LRRC37A2: variants seen among roughly 807,000 people sequenced by gnomAD.
LRRC37A2 encodes the protein leucine rich repeat containing 37 member A2.
LRRC37A2 carries 9 observed loss-of-function variants against 68.8 expected under a neutral mutation model. That is an observed-to-expected ratio of 0.13 (90% CI 0.08 to 0.23). The LOEUF is 0.23. LRRC37A2 is among the 10% of genes least tolerant of loss of function. The pLI is 1.00. For missense variants in LRRC37A2, 168 were observed against 950.4 expected (o/e 0.18, Z 10.82); for synonymous variants, 63 against 367.6 (o/e 0.17, Z 9.48).
At chr17:46,818,426 G>A in the LRRC37A2 span, 1 of 1,299,346 alleles carries the variant, frequency 7.7e-7, no homozygotes, top group African/African-American at 1.5e-5. Context: ...AGGAGCCCCA[G>A]CCCTGCAGCG....
the LRRC37A2 span, among the ~76,000 whole-genome samples, chr17:46,492,964 G>A: frequency 6.7e-6 from 1 of 148,878 alleles, no homozygotes; most frequent in South Asian, 2.1e-4. Context: ...AAAGTGCTGG[G>A]ATTACAGACG....
the LRRC37A2 span, among the ~76,000 whole-genome samples, chr17:46,977,646 A>G: frequency 1.3e-5 from 2 of 152,188 alleles, no homozygotes; most frequent in Non-Finnish European, 2.9e-5. Flanking sequence ...ACATCCTGGG[A>G]CTTCCTCACC....
the LRRC37A2 span, among the ~76,000 whole-genome samples, chr17:46,804,372 C>T: frequency 6.6e-6 from 1 of 152,216 alleles, no homozygotes; most frequent in South Asian, 2.1e-4. Flanking sequence ...CAGGCGCAAG[C>T]CACCACAACT....
chr17:46,878,865 C>T, the LRRC37A2 span, among the ~76,000 whole-genome samples: 1 of 152,202 alleles, frequency 6.6e-6, no homozygotes, highest in Non-Finnish European at 1.5e-5. Context: ...CATGGACACC[C>T]CAAGTCAATG....
chr17:46,489,533 G>A, the LRRC37A2 span, among the ~76,000 whole-genome samples: 3 of 148,186 alleles, frequency 2.0e-5, no homozygotes, highest in Non-Finnish European at 2.9e-5. Flanking sequence ...TCACCCAGGC[G>A]GGAATACAGT....
chr17:46,712,410 T>C, the LRRC37A2 span, among the ~76,000 whole-genome samples: 5 of 152,120 alleles, frequency 3.3e-5, no homozygotes, highest in African/African-American at 1.2e-4. Context: ...AAATATTTGT[T>C]AGATTGGATG....
At chr17:46,962,955 G>GTA in the LRRC37A2 span, among the ~76,000 whole-genome samples, 1 of 152,158 alleles carries the variant, frequency 6.6e-6, no homozygotes, top group Admixed American at 6.5e-5. Flanking sequence ...ATACTTAGAG[G>GTA]TATGTATAAC....
chr17:46,921,860 T>C, the LRRC37A2 span, among the ~76,000 whole-genome samples: 1 of 152,276 alleles, frequency 6.6e-6, no homozygotes, highest in East Asian at 1.9e-4. Flanking sequence ...TGTGGAGAAA[T>C]AAGAACACTT....
chr17:46,526,421 G>A (rs1204141164), intron 6 of LRRC37A2, among the ~76,000 whole-genome samples: 1 of 102,850 alleles, frequency 9.7e-6, no homozygotes, highest in African/African-American at 3.8e-5. Flanking sequence ...GTGGTTGATC[G>A]ATGATGAATA....
chr17:46,748,117 A>AT, the LRRC37A2 span, among the ~76,000 whole-genome samples: 1 of 151,920 alleles, frequency 6.6e-6, no homozygotes, highest in Non-Finnish European at 1.5e-5. Context: ...TTATTTATTT[A>AT]TTTTTTTGAG....
the LRRC37A2 span, among the ~76,000 whole-genome samples, chr17:46,886,901 C>T: frequency 6.6e-6 from 1 of 152,146 alleles, no homozygotes; most frequent in Non-Finnish European, 1.5e-5. Flanking sequence ...ACTGCAAACT[C>T]CACCTCCTAG....
chr17:46,939,246 G>A, the LRRC37A2 span: 31 of 1,042,206 alleles, frequency 3.0e-5, no homozygotes, highest in African/African-American at 2.7e-4. Flanking sequence ...TCACATCCTC[G>A]TGCTCCTGGC....
chr17:46,934,920 C>T, the LRRC37A2 span: 8 of 965,280 alleles, frequency 8.3e-6, no homozygotes, highest in South Asian at 1.0e-4. Flanking sequence ...GATTCTTTCA[C>T]CAGCCCCTCC....
the LRRC37A2 span, among the ~76,000 whole-genome samples, chr17:46,844,305 C>CT: frequency 0.026 from 3,278 of 127,328 alleles, 124 homozygotes; most frequent in African/African-American, 0.071. Flanking sequence ...AGTTAGCCAC[C>CT]TTTTTTTTTT....
At chr17:47,031,482 CT>C in the LRRC37A2 span, among the ~76,000 whole-genome samples, 2 of 144,496 alleles carry the variant, frequency 1.4e-5, no homozygotes, top group African/African-American at 5.1e-5. Flanking sequence ...CTTTAAAGTG[CT>C]TCTCCTTCAT....
the LRRC37A2 span, chr17:46,940,421 C>T: frequency 6.3e-7 from 1 of 1,597,452 alleles, no homozygotes; most frequent in South Asian, 1.1e-5. Flanking sequence ...CTAGATCTGT[C>T]TAACTCTGGG....
the LRRC37A2 span, chr17:46,922,775 C>T: frequency 1.1e-5 from 2 of 180,172 alleles, no homozygotes; most frequent in African/African-American, 2.4e-5. Flanking sequence ...CTCCAGACCC[C>T]CGATTAAATG....
chr17:46,758,769 G>A, the LRRC37A2 span, among the ~76,000 whole-genome samples: 1 of 152,198 alleles, frequency 6.6e-6, no homozygotes, highest in South Asian at 2.1e-4. Context: ...AGATTGAAGT[G>A]TGTACAATAA....
the LRRC37A2 span, among the ~76,000 whole-genome samples, chr17:46,949,986 C>T: frequency 2.6e-5 from 4 of 152,218 alleles, no homozygotes; most frequent in Non-Finnish European, 2.9e-5. Context: ...ACAGTAGGCA[C>T]TTCATAAATA....
Sources: gnomAD v4.1 joint callset for allele counts (sites outside exome capture counted in the v4.1 genomes callset) on GRCh38, gnomAD v4.1.1 for gene constraint, MANE v1.5 for transcripts, NCBI Gene and HGNC (gene_info 2026-07-23, HGNC 2026-07-21) for gene names.